Variants in ARID3A observed in about 807,000 individuals in gnomAD.
ARID3A encodes the protein AT-rich interaction domain 3A.
In ARID3A, 11 loss-of-function variants were observed where a neutral mutation model predicts 52.7. That is an observed-to-expected ratio of 0.21 (90% CI 0.13 to 0.35). The LOEUF is 0.35. Ranked by LOEUF, ARID3A falls within the 10% of genes least tolerant of loss-of-function variation. ARID3A has a pLI of 1.00. For missense variants in ARID3A, 721 were observed against 838.5 expected, an observed-to-expected ratio of 0.86 and a Z score of 1.73; for synonymous variants, 404 against 359.4, an observed-to-expected ratio of 1.12 and a Z score of -1.40.
At position 971,995 on chromosome 19, in the gene ARID3A, G is replaced by T; in HGVS notation, c.1712G>T (p.Ser571Ile). 1 of 1,601,298 alleles carries T rather than the reference G, an allele frequency of 6.2e-7. No homozygotes were observed. The highest frequency in any genetic ancestry group is 2.3e-5 in the East Asian group (1 of 43,294). ...GGCCGGGGAGGAAACACCGGAACCA[G>T]CGGCGGCCAGGCTGGGCCAGCGGGG... ...AGGRGGNTGT[S>I]GGQAGPAGLS... Residue 571 changes from serine to isoleucine, a missense_variant, in exon 9 of 9, where the codon AGC (serine) becomes ATC (isoleucine). Transcript: ENST00000263620.
chr19:964,300 C>T lies in ARID3A; in HGVS notation c.819C>T (p.Phe273=), dbSNP rs374890169. The change falls in exon 5 of 9, where the codon TTC becomes TTT. Residue 273 remains phenylalanine, a synonymous_variant. Transcript: ENST00000263620. This position sits in a 1 kb window ranked among gnomAD's most constrained non-coding sequence, Gnocchi z 5.7. ...TGGCCAAACAGGTCCTTGACCTGTT[C>T]ATGCTGTACGTGCTGGTGACGGAGA... ...PIMAKQVLDL[F]MLYVLVTEKG... 1.2e-5 allele frequency: 19 copies of T among 1,613,986 alleles called. No homozygotes were observed. The African/African-American group carries it at 2.4e-4, about 20-fold the overall frequency.
rs1419373711 is a variant in ARID3A, at chr19:942,357, G to A, written c.693+9615G>A. Among the ~76,000 whole-genome samples the A allele has an allele frequency of 1.3e-5, 2 of 152,128 alleles. No individual in the cohort carries two copies. The highest frequency in any genetic ancestry group is 6.5e-5 in the Admixed American group (1 of 15,278). On this transcript the variant is annotated intron_variant, in intron 3 of 8. Coordinates refer to ENST00000263620, the MANE Select transcript of ARID3A (RefSeq NM_005224.3). This position sits in a 1 kb window ranked among gnomAD's most constrained non-coding sequence, Gnocchi z 8.1. ...CTGCCCGGCGGTGGCACCCAGGGGC[G>A]TCACCCACGAGGGACGCTTGACTCA...
At chr19:940,070 G>A (rs566219392) in intron 3 of ARID3A, among the ~76,000 whole-genome samples, 12 of 152,114 alleles carry the variant, frequency 7.9e-5, no homozygotes, top group Admixed American at 6.5e-4. Flanking sequence ...GATTGAGGGG[G>A]AGGCTGCCAA....
At position 974,549 on chromosome 19, in the gene ARID3A, G is replaced by A; in HGVS notation, c.*2484G>A. 4.3e-6 allele frequency: 1 copy of A among 230,046 alleles called. No homozygotes were observed. Among genetic ancestry groups the A allele is most frequent in the Non-Finnish European group, 8.6e-6 (1 of 116,038 alleles). The allele number at this position is 230,046 out of a possible 1,614,324, so 14.3% of individuals were successfully genotyped here. Reference sequence around the variant, plus strand: ...GTCTACCTCAGGTCTGACTTTTGATGCCAAAATCTGAGCCCCTGGGGTGCC... The same window carrying A: ...GTCTACCTCAGGTCTGACTTTTGATACCAAAATCTGAGCCCCTGGGGTGCC... On this transcript the variant is annotated 3_prime_UTR_variant, in exon 9 of 9. Transcript: ENST00000263620.
rs1429227381 is a variant in ARID3A, at chr19:964,822, C to T, written c.951-11C>T. ...CCCGGGTGCCATCCTCTTCCCTCGT[C>T]CCACCCACAGATACATGAAGTACCT... is the stretch of plus-strand genomic sequence containing the variant. On this transcript the variant is annotated splice_polypyrimidine_tract_variant and intron_variant, in intron 5 of 8. Coordinates refer to ENST00000263620, the MANE Select transcript of ARID3A (RefSeq NM_005224.3). This position sits in a 1 kb window ranked among gnomAD's most constrained non-coding sequence, Gnocchi z 5.7. 6.2e-7 allele frequency: 1 copy of T among 1,608,680 alleles called. No homozygotes were observed. Among genetic ancestry groups the T allele is most frequent in the Admixed American group, 1.7e-5 (1 of 59,884 alleles).
intron 7 of ARID3A, among the ~76,000 whole-genome samples, chr19:968,078 C>T (rs2038198621): frequency 7.2e-6 from 1 of 139,576 alleles, no homozygotes; most frequent in Non-Finnish European, 1.5e-5. Flanking sequence ...CTCATTTGTT[C>T]GGCTGGGCAC....
At chr19:953,494 C>T (rs1032228958) in intron 3 of ARID3A, among the ~76,000 whole-genome samples, 3 of 152,030 alleles carry the variant, frequency 2.0e-5, no homozygotes, top group South Asian at 2.1e-4. Flanking sequence ...CGTGCAGAGC[C>T]GGGGGAGTGT....
intron 3 of ARID3A, among the ~76,000 whole-genome samples, chr19:957,188 G>C (rs372806346): frequency 1.3e-5 from 2 of 152,064 alleles, no homozygotes; most frequent in South Asian, 2.1e-4. Context: ...AAGACGTTCC[G>C]GGGCCTGGTG....
At chr19:939,206 CCT>C (rs1352929473) in intron 3 of ARID3A, among the ~76,000 whole-genome samples, 1 of 152,026 alleles carries the variant, frequency 6.6e-6, no homozygotes, top group Non-Finnish European at 1.5e-5. Context: ...GCAACCTCCG[CCT>C]CTCGGGTTCA....
intron 2 of ARID3A, among the ~76,000 whole-genome samples, chr19:930,865 A>C (rs886860894): frequency 1.3e-5 from 2 of 152,040 alleles, no homozygotes; most frequent in Non-Finnish European, 2.9e-5. Flanking sequence ...GCTACAGCAG[A>C]TTCAGCGGCA....
chr19:948,993 A>G (rs1228770961), intron 3 of ARID3A, among the ~76,000 whole-genome samples: 2 of 152,034 alleles, frequency 1.3e-5, no homozygotes, highest in African/African-American at 4.8e-5. Context: ...ATGGGATTAC[A>G]GGCATGAGCC....
intron 2 of ARID3A, among the ~76,000 whole-genome samples, chr19:931,272 C>A (rs2145350716): frequency 6.6e-6 from 1 of 152,080 alleles, no homozygotes; most frequent in East Asian, 1.9e-4. Context: ...CCAGCCTGGG[C>A]AACAGAGAAG....
chr19:962,485 C>T (rs1055411356), intron 4 of ARID3A, among the ~76,000 whole-genome samples: 1 of 148,340 alleles, frequency 6.7e-6, no homozygotes, highest in Non-Finnish European at 1.5e-5. Flanking sequence ...AGGGCGTGGC[C>T]CTGGGAACCA....
In ARID3A at chr19:973,094, G is replaced by A. The variant is rs573769556; in HGVS notation, c.*1029G>A. On this transcript the variant is annotated 3_prime_UTR_variant, in exon 9 of 9. Transcript: ENST00000263620. ...CTTGTCTGCTGGGCTCTCGAGTCAG[G>A]GGCCTGGAAATTTTTTTTTTTTTTT... The A allele has an allele frequency of 3.5e-5, 2 of 56,488 alleles. No homozygotes were observed. Among genetic ancestry groups the A allele is most frequent in the Non-Finnish European group, 8.7e-5 (2 of 23,008 alleles). 3.5% of individuals were successfully genotyped at this position (56,488 alleles called of 1,614,324 possible). A position where few individuals can be genotyped will look rare whatever the true frequency, so the allele number is the denominator to read the frequency against.
Position 938,441 on chromosome 19 carries a change from A to G in ARID3A, c.693+5699A>G, listed in dbSNP as rs2037480816. ...AGACGAGAAACTGAGGCATGGGGTG[A>G]TCACATGACTTGTGCACAGTCGCCC... On this transcript the variant is annotated intron_variant, in intron 3 of 8. Coordinates refer to ENST00000263620, the MANE Select transcript of ARID3A (RefSeq NM_005224.3). The surrounding 1 kb of genome is among the most constrained non-coding windows in gnomAD (Gnocchi z 4.0). Among the ~76,000 whole-genome samples, 1 of 152,184 alleles carries G rather than the reference A, an allele frequency of 6.6e-6. No homozygotes were observed. Among genetic ancestry groups the G allele is most frequent in the African/African-American group, 2.4e-5 (1 of 41,444 alleles).
rs908012881 is a variant in ARID3A, at chr19:942,329, C to A, written c.693+9587C>A. Among the ~76,000 whole-genome samples the A allele has an allele frequency of 2.0e-5, 3 of 152,202 alleles. No individual in the cohort carries two copies. Among genetic ancestry groups the A allele is most frequent in the African/African-American group, 7.2e-5 (3 of 41,448 alleles). ...TGGGGCGGTGGCGACATGGCCCCCG[C>A]AGCTGCCCGGCGGTGGCACCCAGGG... On this transcript the variant is annotated intron_variant, in intron 3 of 8. Coordinates refer to ENST00000263620, the MANE Select transcript of ARID3A (RefSeq NM_005224.3). The surrounding 1 kb of genome is among the most constrained non-coding windows in gnomAD (Gnocchi z 8.1).
chr19:947,755 G>C lies in ARID3A; in HGVS notation c.694-12337G>C, dbSNP rs969993356. ...GGAGAGTGTTATTAATATCCGCCCC[G>C]TGGGTGCGGCGCTGTGTATTTCCAG... On this transcript the variant is annotated intron_variant, in intron 3 of 8. Coordinates refer to ENST00000263620, the MANE Select transcript of ARID3A (RefSeq NM_005224.3). This position sits in a 1 kb window ranked among gnomAD's most constrained non-coding sequence, Gnocchi z 6.3. Among the ~76,000 whole-genome samples, 1 of 152,220 alleles carries C rather than the reference G, an allele frequency of 6.6e-6. No homozygotes were observed. Among genetic ancestry groups the C allele is most frequent in the Non-Finnish European group, 1.5e-5 (1 of 68,038 alleles).
Position 966,526 on chromosome 19 carries a change from G to A in ARID3A, c.1199-46G>A, listed in dbSNP as rs778064500. The A allele has an allele frequency of 4.1e-6, 6 of 1,465,200 alleles. No homozygotes were observed. The African/African-American group carries it at 7.1e-5, about 17-fold the overall frequency. The allele number at this position is 1,465,200 out of a possible 1,614,324, so 90.8% of individuals were successfully genotyped here. On this transcript the variant is annotated intron_variant, in intron 6 of 8. Coordinates refer to ENST00000263620, the MANE Select transcript of ARID3A (RefSeq NM_005224.3). ...ATGTTCCTGCCTTGAGTGGAAGGCA[G>A]GGCCCAGCCCCTCCTGGCCACCAAT... is the stretch of plus-strand genomic sequence containing the variant.
intron 3 of ARID3A, among the ~76,000 whole-genome samples, chr19:936,265 G>A (rs769338041): frequency 6.6e-6 from 1 of 152,180 alleles, no homozygotes; most frequent in Non-Finnish European, 1.5e-5. Context: ...TTAATTGTAC[G>A]ATTGGGGCCA....
Sources: allele counts gnomAD v4.1 joint callset (sites outside exome capture counted in the v4.1 genomes callset), GRCh38; gene constraint gnomAD v4.1.1; non-coding constraint Gnocchi (gnomAD v3.1); transcripts MANE v1.5; gene names NCBI Gene and HGNC (gene_info 2026-07-23, HGNC 2026-07-21).